NFIB: variants seen among roughly 807,000 people sequenced by gnomAD.
The protein encoded by NFIB is nuclear factor 1 B-type.
A neutral mutation model predicts 61.5 loss-of-function variants in NFIB; 11 were observed. That is an observed-to-expected ratio of 0.18 (90% confidence interval 0.11 to 0.30). NFIB has a LOEUF of 0.30. Among genes scored for constraint, NFIB ranks in the 10% least tolerant of loss-of-function variants. NFIB has a pLI of 1.00. For synonymous variants in NFIB, 260 were observed against 216.5 expected, an observed-to-expected ratio of 1.20 and a Z score of -1.76; for missense variants, 471 against 608.9, an observed-to-expected ratio of 0.77 and a Z score of 2.38.
chr9:14,444,724 G>GACCT, the NFIB span, among the ~76,000 whole-genome samples: 1 of 152,122 alleles, frequency 6.6e-6, no homozygotes, highest in Non-Finnish European at 1.5e-5. Flanking sequence ...TTAAAAAATT[G>GACCT]TGAAATATGT....
At chr9:14,490,356 G>C in the NFIB span, among the ~76,000 whole-genome samples, 12 of 152,158 alleles carry the variant, frequency 7.9e-5, no homozygotes, top group African/African-American at 1.7e-4. Context: ...CAAAACTATA[G>C]AAATTCTAGA....
At chr9:14,241,127 C>A (rs886970795) in intron 2 of NFIB, among the ~76,000 whole-genome samples, 4 of 152,166 alleles carry the variant, frequency 2.6e-5, no homozygotes, top group Non-Finnish European at 5.9e-5. Context: ...AAATGAGGGG[C>A]AAATGTATTC....
At chr9:14,232,039 G>A (rs1055203333) in intron 2 of NFIB, among the ~76,000 whole-genome samples, 7 of 152,106 alleles carry the variant, frequency 4.6e-5, no homozygotes, top group East Asian at 1.9e-4. Flanking sequence ...AAGGTAAATC[G>A]CAGTCTCTTA....
At chr9:14,171,985 G>C (rs912489503) in intron 3 of NFIB, among the ~76,000 whole-genome samples, 2 of 152,180 alleles carry the variant, frequency 1.3e-5, no homozygotes, top group African/African-American at 2.4e-5. Context: ...ACATAGGAAG[G>C]TTCCTGGATT....
intron 1 of NFIB, among the ~76,000 whole-genome samples, chr9:14,370,221 C>G (rs534262986): frequency 9.2e-5 from 14 of 152,282 alleles, no homozygotes; most frequent in African/African-American, 3.1e-4. Context: ...TTACCCCCAT[C>G]GGACTCAAGG....
intron 1 of NFIB, among the ~76,000 whole-genome samples, chr9:14,393,672 GC>G (rs1213479731): frequency 6.6e-6 from 1 of 152,186 alleles, no homozygotes; most frequent in Non-Finnish European, 1.5e-5. Context: ...AAATGAGCTT[GC>G]CTACCAGGAG....
intron 1 of NFIB, among the ~76,000 whole-genome samples, chr9:14,365,010 T>G (rs1336669265): frequency 2.0e-5 from 3 of 152,216 alleles, no homozygotes; most frequent in Non-Finnish European, 2.9e-5. Flanking sequence ...TGAGGCACGT[T>G]AATTTCTCAT....
chr9:14,395,108 T>G lies in NFIB; in HGVS notation c.108+3416A>C, dbSNP rs112463579. On this transcript the variant is annotated intron_variant, in intron 1 of 8. Transcript: ENST00000380934. ...TTTTACTAGACTGGTGTCTGGTGGC[T>G]TCCTCAGAACCCTGGGTGCCAAGAT... 1.8e-3 allele frequency among the ~76,000 whole-genome samples: 271 copies of G among 152,192 alleles called. 2 individuals are homozygous for G. The highest frequency in any genetic ancestry group is 6.2e-3 in the African/African-American group (257 of 41,528).
the NFIB span, among the ~76,000 whole-genome samples, chr9:14,473,586 T>C: frequency 1.3e-5 from 2 of 152,174 alleles, no homozygotes; most frequent in African/African-American, 2.4e-5. Context: ...CCTGCAAGAC[T>C]AGTCTCTTAT....
At chr9:14,492,381 A>AATAAATAT in the NFIB span, among the ~76,000 whole-genome samples, 1 of 151,440 alleles carries the variant, frequency 6.6e-6, no homozygotes, top group African/African-American at 2.4e-5. Context: ...TAAATAAATA[A>AATAAATAT]ATAAATAAAT....
intron 1 of NFIB, chr9:14,361,545 G>C (rs2061241572): frequency 6.6e-6 from 1 of 152,066 alleles, no homozygotes; most frequent in Non-Finnish European, 1.5e-5. Flanking sequence ...TGCATGCAAG[G>C]CACATAAATG....
intron 3 of NFIB, among the ~76,000 whole-genome samples, chr9:14,156,805 G>T (rs1212417484): frequency 1.3e-5 from 2 of 152,152 alleles, no homozygotes; most frequent in Non-Finnish European, 2.9e-5. Flanking sequence ...TCTGTCCTAG[G>T]GTGAGAATAA....
intron 2 of NFIB, among the ~76,000 whole-genome samples, chr9:14,246,388 C>G (rs2054928295): frequency 6.6e-6 from 1 of 152,114 alleles, no homozygotes; most frequent in South Asian, 2.1e-4. Flanking sequence ...TGTGCTCCAG[C>G]CAGCCACCAA....
chr9:14,361,863 A>G (rs1426396790), intron 1 of NFIB: 1 of 152,230 alleles, frequency 6.6e-6, no homozygotes, highest in Admixed American at 6.5e-5. Flanking sequence ...CAAGGAAGCT[A>G]ATTCCTTTCC....
chr9:14,311,779 T>G (rs1382861259), intron 1 of NFIB, among the ~76,000 whole-genome samples: 3 of 152,220 alleles, frequency 2.0e-5, no homozygotes, highest in Admixed American at 2.0e-4. Flanking sequence ...TGCACAATTA[T>G]TCAATCTTTT....
the NFIB span, among the ~76,000 whole-genome samples, chr9:14,470,535 G>A: frequency 6.6e-6 from 1 of 152,062 alleles, no homozygotes; most frequent in Non-Finnish European, 1.5e-5. Flanking sequence ...GGTCATCTCT[G>A]GACTAATTAA....
intron 1 of NFIB, among the ~76,000 whole-genome samples, chr9:14,356,643 A>G (rs894886872): frequency 6.6e-6 from 1 of 151,944 alleles, no homozygotes; most frequent in Non-Finnish European, 1.5e-5. Context: ...CCTCTCTTGC[A>G]CTCCACCAGT....
At chr9:14,432,288 G>C in the NFIB span, among the ~76,000 whole-genome samples, 1 of 152,228 alleles carries the variant, frequency 6.6e-6, no homozygotes, top group Non-Finnish European at 1.5e-5. Flanking sequence ...GTCAGTCTCA[G>C]AGAATAAAGG....
At chr9:14,134,027 G>A (rs1212643626) in intron 6 of NFIB, among the ~76,000 whole-genome samples, 10 of 152,252 alleles carry the variant, frequency 6.6e-5, no homozygotes, top group Non-Finnish European at 7.3e-5. Flanking sequence ...CACAAATGGA[G>A]CTATCCTGGC....
Sources: allele counts gnomAD v4.1 joint callset (sites outside exome capture counted in the v4.1 genomes callset), GRCh38; gene constraint gnomAD v4.1.1; transcripts MANE v1.5; gene names NCBI Gene and HGNC (gene_info 2026-07-23, HGNC 2026-07-21).